Variants in RANBP2 observed in about 807,000 individuals in gnomAD.
The protein encoded by RANBP2 is E3 SUMO-protein ligase RanBP2.
In RANBP2, 57 loss-of-function variants were observed where a neutral mutation model predicts 303.6. That is an observed-to-expected ratio of 0.19 (90% CI 0.15 to 0.23). RANBP2 has a LOEUF of 0.23. Among genes scored for constraint, RANBP2 ranks in the 10% least tolerant of loss-of-function variants. The pLI is 1.00. For missense variants in RANBP2, 3,138 were observed against 3,780.8 expected (o/e 0.83, Z 4.46); for synonymous variants, 1,167 against 1,301.5 (o/e 0.90, Z 2.23).
At chr2:108,825,114 G>A in the RANBP2 span, among the ~76,000 whole-genome samples, 2 of 152,172 alleles carry the variant, frequency 1.3e-5, no homozygotes, top group African/African-American at 4.8e-5. Context: ...AGGAATGTGA[G>A]ATAGTTAACT....
chr2:109,026,469 AGT>A, the RANBP2 span, among the ~76,000 whole-genome samples: 1 of 152,028 alleles, frequency 6.6e-6, no homozygotes, highest in East Asian at 1.9e-4. Flanking sequence ...CTTTTAGAAG[AGT>A]GTGTCTGAGG....
the RANBP2 span, among the ~76,000 whole-genome samples, chr2:109,120,790 T>A: frequency 6.6e-6 from 1 of 151,962 alleles, no homozygotes; most frequent in Non-Finnish European, 1.5e-5. Context: ...CCTGTTGACT[T>A]TCCCCAGGCA....
chr2:109,289,692 A>T, the RANBP2 span, among the ~76,000 whole-genome samples: 1 of 152,304 alleles, frequency 6.6e-6, no homozygotes, highest in East Asian at 1.9e-4. Flanking sequence ...ACTTCATAGC[A>T]TAGAAGATGA....
chr2:109,519,105 G>A, the RANBP2 span, among the ~76,000 whole-genome samples: 2 of 151,868 alleles, frequency 1.3e-5, no homozygotes, highest in South Asian at 4.2e-4. Context: ...TTTTAGTAGA[G>A]ACGGGGTTTC....
the RANBP2 span, among the ~76,000 whole-genome samples, chr2:108,950,077 C>T: frequency 6.6e-6 from 1 of 152,148 alleles, no homozygotes; most frequent in African/African-American, 2.4e-5. Context: ...GCACTTATGA[C>T]CCCAGGAGGG....
rs1254673842 is a variant in RANBP2 at position 108,766,750 on chromosome 2, C to T, written c.6211C>T (p.Leu2071=). The stretch of plus-strand genomic sequence containing the variant: ...TCTCAAAAACGAGGTCAATGGCAAA[C>T]TAAGAATGCTGATGCGAAGAGAACA... The part of the protein sequence containing the change: ...KILKNEVNGK[L]RMLMRREQVL... Residue 2071 remains leucine, a synonymous_variant, in exon 20 of 29, where the codon CTA becomes TTA. Transcript: ENST00000283195. 1.2e-6 allele frequency: 2 copies of T among 1,611,994 alleles called. No individual in the cohort carries two copies. Among genetic ancestry groups the T allele is most frequent in the East Asian group, 2.2e-5 (1 of 44,886 alleles).
chr2:108,827,688 A>C, the RANBP2 span, among the ~76,000 whole-genome samples: 8 of 151,742 alleles, frequency 5.3e-5, no homozygotes, highest in Non-Finnish European at 1.2e-4. Flanking sequence ...TGGTGGCAGG[A>C]GCTTGTAGTC....
At chr2:109,149,078 T>G in the RANBP2 span, among the ~76,000 whole-genome samples, 2 of 152,150 alleles carry the variant, frequency 1.3e-5, no homozygotes. Context: ...TTCAATTGAG[T>G]GCCTCATGCA....
Position 108,772,579 on chromosome 2 carries a change from C to G in RANBP2, c.8111C>G (p.Ala2704Gly). The G allele has an allele frequency of 6.2e-7, 1 of 1,611,814 alleles. No individual in the cohort carries two copies. Among genetic ancestry groups the G allele is most frequent in the Non-Finnish European group, 8.5e-7 (1 of 1,178,058 alleles). ...TGTAGACCCTTGGAAGAAAATACAGCAGGTATGTTAAGTGTAAAGGACATT... is the reference window on the plus strand; with the variant it reads ...TGTAGACCCTTGGAAGAAAATACAGGAGGTATGTTAAGTGTAAAGGACATT... ...EKCRPLEENT[A>G]DNEKECIIVW... Residue 2704 changes from alanine (A) to glycine (G), a missense_variant and splice_region_variant, in exon 22 of 29, where the codon GCA (alanine) becomes GGA (glycine). By Grantham distance (60) the Ala-to-Gly change is moderately conservative. Around this residue, in one of 20 missense-constraint regions of RANBP2, gnomAD observed 497 missense variants for 465.8 expected, o/e 1.07. Coordinates refer to ENST00000283195, the MANE Select transcript of RANBP2 (RefSeq NM_006267.5).
chr2:109,565,786 T>C, the RANBP2 span: 1 of 1,614,108 alleles, frequency 6.2e-7, no homozygotes, highest in Non-Finnish European at 8.5e-7. Context: ...CCAAGGGTAC[T>C]GGCGAGCTTT....
chr2:108,818,779 G>T, the RANBP2 span, among the ~76,000 whole-genome samples: 9 of 150,708 alleles, frequency 6.0e-5, no homozygotes, highest in Admixed American at 3.3e-4. Context: ...AAATATTTTA[G>T]CAAAGTAATC....
In RANBP2 at chr2:108,775,785, G is replaced by T. The variant is rs754320830; in HGVS notation, c.8346G>T (p.Gly2782=). ...CAACTGACAGTGTATATACAGGTGGGACTGAAGTGATGGTACCTTCTTTCT... is the reference window on the plus strand; with the variant it reads ...CAACTGACAGTGTATATACAGGTGGTACTGAAGTGATGGTACCTTCTTTCT... ...TSTTDSVYTG[G]TEVMVPSFCK... Residue 2782 remains glycine, a synonymous_variant, in exon 24 of 29, where the codon GGG becomes GGT. Coordinates refer to ENST00000283195, the MANE Select transcript of RANBP2 (RefSeq NM_006267.5). The T allele has an allele frequency of 1.2e-6, 2 of 1,613,846 alleles. No homozygotes were observed. Among genetic ancestry groups the T allele is most frequent in the South Asian group, 2.2e-5 (2 of 91,070 alleles).
At chr2:109,290,972 A>G in the RANBP2 span, among the ~76,000 whole-genome samples, 2 of 152,244 alleles carry the variant, frequency 1.3e-5, no homozygotes, top group Non-Finnish European at 2.9e-5. Context: ...TATGCCGGGT[A>G]CATAGTAGGT....
At chr2:109,178,413 C>CT in the RANBP2 span, among the ~76,000 whole-genome samples, 19 of 151,954 alleles carry the variant, frequency 1.3e-4, 1 homozygote, top group South Asian at 6.3e-4. Flanking sequence ...CTTTAGTTTC[C>CT]TTTTTTTTAT....
At chr2:109,254,191 A>G in the RANBP2 span, among the ~76,000 whole-genome samples, 3 of 152,260 alleles carry the variant, frequency 2.0e-5, no homozygotes, top group African/African-American at 4.8e-5. Context: ...TTCTGTTAGC[A>G]TTTTATAGAC....
At chr2:109,528,969 C>T in the RANBP2 span, among the ~76,000 whole-genome samples, 3 of 152,296 alleles carry the variant, frequency 2.0e-5, no homozygotes, top group Non-Finnish European at 2.9e-5. Flanking sequence ...TTGACCTTAG[C>T]GCTCAGACCC....
chr2:109,237,343 A>C, the RANBP2 span, among the ~76,000 whole-genome samples: 2 of 152,138 alleles, frequency 1.3e-5, no homozygotes, highest in Non-Finnish European at 2.9e-5. Context: ...AGAGGTACAC[A>C]TTGAAAAAAA....
At chr2:108,999,597 G>C in the RANBP2 span, among the ~76,000 whole-genome samples, 1 of 152,264 alleles carries the variant, frequency 6.6e-6, no homozygotes, top group East Asian at 1.9e-4. Flanking sequence ...TCTTGGATAT[G>C]GCGACGCCAC....
rs1676917205 is a variant in RANBP2, at chr2:108,763,772, G to A, written c.3233G>A (p.Gly1078Glu). The A allele has an allele frequency of 1.4e-5, 22 of 1,614,076 alleles. No homozygotes were observed. Among genetic ancestry groups the A allele is most frequent in the Non-Finnish European group, 1.8e-5 (21 of 1,179,970 alleles). Residue 1078 changes from glycine to glutamate, a missense_variant, in exon 20 of 29, where the codon GGA becomes GAA. By Grantham distance (98) the Gly-to-Glu change is moderately conservative (BLOSUM62 -2). Coordinates refer to ENST00000283195, the MANE Select transcript of RANBP2 (RefSeq NM_006267.5). ...CTGACTTCAGATAAACCCTTGCAAG[G>A]AGATGGCTATAGTGGAGCCAAACCA... is the stretch of plus-strand genomic sequence containing the variant. ...GLLTSDKPLQ[G>E]DGYSGAKPIP...
Sources: gnomAD v4.1 joint callset for allele counts (sites outside exome capture counted in the v4.1 genomes callset) on GRCh38, gnomAD v4.1.1 for gene constraint, gnomAD v4.1.1 regional missense constraint, MANE v1.5 for transcripts, NCBI Gene and HGNC (gene_info 2026-07-23, HGNC 2026-07-21) for gene names.